COBLL1: variants seen among roughly 807,000 people sequenced by gnomAD.
COBLL1 encodes cordon-bleu protein-like 1.
In COBLL1, 50 loss-of-function variants were observed where a neutral mutation model predicts 94.8. That is an observed-to-expected ratio of 0.53 (90% confidence interval 0.42 to 0.67). COBLL1 has a LOEUF of 0.67. Among genes scored for constraint, COBLL1 ranks in the 30% least tolerant of loss-of-function variants. The pLI is 0.00. For missense variants in COBLL1, 1,362 were observed against 1,348.7 expected (o/e 1.01, Z -0.15); for synonymous variants, 448 against 473.8 (o/e 0.95, Z 0.71).
At chr2:164,727,176 T>C (rs779472891) in intron 5 of COBLL1, 16 of 1,303,908 alleles carry the variant, frequency 1.2e-5, no homozygotes, top group East Asian at 2.6e-5. Context: ...AGAGGGTAAA[T>C]TGACTGTGAA....
intron 13 of COBLL1, among the ~76,000 whole-genome samples, chr2:164,689,133 T>A (rs571421859): frequency 5.9e-5 from 9 of 152,176 alleles, no homozygotes; most frequent in African/African-American, 1.7e-4. Context: ...TGAGTAGGGG[T>A]AAGGTATGCA....
intron 4 of COBLL1, among the ~76,000 whole-genome samples, chr2:164,728,650 T>C (rs1685835494): frequency 6.6e-6 from 1 of 152,090 alleles, no homozygotes; most frequent in Non-Finnish European, 1.5e-5. Flanking sequence ...AATTTTTGTT[T>C]CTATTTGAAA....
At chr2:164,811,419 T>G (rs1428410400) in intron 2 of COBLL1, among the ~76,000 whole-genome samples, 4 of 151,928 alleles carry the variant, frequency 2.6e-5, no homozygotes, top group African/African-American at 9.7e-5. Context: ...CTGTATCAGT[T>G]TAACTGGCCG....
intron 5 of COBLL1, chr2:164,725,134 A>ATATATAT (rs1558956185): frequency 1.6e-3 from 86 of 55,216 alleles, no homozygotes; most frequent in African/African-American, 2.3e-3. Flanking sequence ...ATATATATAT[A>ATATATAT]AAATGAAAGC....
At chr2:164,774,264 C>A (rs759621245) in intron 2 of COBLL1, among the ~76,000 whole-genome samples, 67 of 152,046 alleles carry the variant, frequency 4.4e-4, no homozygotes, top group Non-Finnish European at 5.7e-4. Flanking sequence ...CTGGCAGATG[C>A]CCTAAATTGT....
intron 2 of COBLL1, among the ~76,000 whole-genome samples, chr2:164,658,542 G>T (rs1458093083): frequency 6.6e-6 from 1 of 152,184 alleles, no homozygotes; most frequent in African/African-American, 2.4e-5. Context: ...TATAGGGATT[G>T]AAATGTATGG....
intron 1 of COBLL1, among the ~76,000 whole-genome samples, chr2:164,666,918 C>G (rs1490912485): frequency 2.6e-5 from 4 of 152,128 alleles, no homozygotes; most frequent in Non-Finnish European, 5.9e-5. Flanking sequence ...TTCTTCCAAA[C>G]TCTTTTTAAT....
At chr2:164,770,973 T>A (rs1688174249) in intron 2 of COBLL1, among the ~76,000 whole-genome samples, 1 of 152,080 alleles carries the variant, frequency 6.6e-6, no homozygotes, top group Admixed American at 6.6e-5. Context: ...AAATAAGATA[T>A]TTTTATTGTA....
At chr2:164,790,423 A>G (rs1683130263) in intron 2 of COBLL1, among the ~76,000 whole-genome samples, 1 of 152,212 alleles carries the variant, frequency 6.6e-6, no homozygotes, top group Non-Finnish European at 1.5e-5. Flanking sequence ...AAATGTATGT[A>G]TAGCTCACAT....
At chr2:164,802,476 G>C (rs986716341) in intron 2 of COBLL1, among the ~76,000 whole-genome samples, 1 of 152,126 alleles carries the variant, frequency 6.6e-6, no homozygotes, top group Non-Finnish European at 1.5e-5. Flanking sequence ...GAGTTTACTT[G>C]GCCCAATACA....
chr2:164,662,871 G>A (rs915711516), intron 2 of COBLL1, among the ~76,000 whole-genome samples: 2 of 152,128 alleles, frequency 1.3e-5, no homozygotes, highest in Non-Finnish European at 2.9e-5. Context: ...CAGAAGTTAA[G>A]CAGATGCTGG....
intron 3 of COBLL1, among the ~76,000 whole-genome samples, chr2:164,742,377 T>TA (rs969346525): frequency 2.0e-4 from 30 of 149,512 alleles, no homozygotes; most frequent in South Asian, 1.7e-3. Context: ...CAGGAAAAAT[T>TA]AAAAAAAAAT....
chr2:164,783,804 A>G (rs924584344), intron 2 of COBLL1, among the ~76,000 whole-genome samples: 1 of 151,922 alleles, frequency 6.6e-6, no homozygotes, highest in Non-Finnish European at 1.5e-5. Context: ...CAATCACGAC[A>G]AAATATAAAA....
intron 2 of COBLL1, among the ~76,000 whole-genome samples, chr2:164,756,847 T>A (rs1228427699): frequency 2.0e-5 from 3 of 152,094 alleles, no homozygotes. Flanking sequence ...GAGTCAGAGA[T>A]CGTGGTTTGT....
intron 2 of COBLL1, among the ~76,000 whole-genome samples, chr2:164,756,082 G>A (rs1028350065): frequency 1.5e-5 from 2 of 137,802 alleles, no homozygotes; most frequent in African/African-American, 5.6e-5. Context: ...AATGAGGGAG[G>A]GAGGGAGGGA....
In COBLL1 at chr2:164,799,019, C is replaced by CAAA. The variant is rs555113117; in HGVS notation, c.41+42134_41+42136dup. On this transcript the variant is annotated intron_variant, in intron 2 of 13. Coordinates refer to ENST00000652658, the MANE Select transcript of COBLL1 (RefSeq NM_001365672.2). ...TGGGTGACAGAGCAAGACTCCGTCT[C>CAAA]AAAAAAAAAAAAAAAAAAAGAGGGG... 3.9e-3 allele frequency among the ~76,000 whole-genome samples: 269 copies of CAAA among 69,824 alleles called. 17 individuals are homozygous for CAAA. Among genetic ancestry groups the CAAA allele is most frequent in the African/African-American group, 0.015 (222 of 14,736 alleles). The allele number at this position is 69,824 out of a possible 152,430, so 45.8% of individuals were successfully genotyped here. A position where few individuals can be genotyped will look rare whatever the true frequency, so the allele number is the denominator to read the frequency against.
At chr2:164,839,357 C>G (rs1574683109) in intron 2 of COBLL1, among the ~76,000 whole-genome samples, 1 of 151,046 alleles carries the variant, frequency 6.6e-6, no homozygotes, top group African/African-American at 2.5e-5. Context: ...CTTTGGGAAG[C>G]CAAGGTGAGA....
chr2:164,700,737 A>G lies in COBLL1; in HGVS notation c.1245T>C (p.Tyr415=), dbSNP rs372452793. 16 of 1,605,194 alleles carry G rather than the reference A, an allele frequency of 1.0e-5. No homozygotes were observed. In the African/African-American group the frequency reaches 2.0e-4, roughly 20 times the overall value. Residue 415 remains tyrosine, a synonymous_variant, in exon 10 of 14, where the codon TAT becomes TAC. Coordinates refer to ENST00000652658, the MANE Select transcript of COBLL1 (RefSeq NM_001365672.2). Reference sequence around the variant, plus strand: ...CCTTTTCATCTATCTCTTCAAGGCTATAATCAGAGCTTATTCCAGCTACAA... The same window carrying G: ...CCTTTTCATCTATCTCTTCAAGGCTGTAATCAGAGCTTATTCCAGCTACAA... The part of the protein sequence containing the change: ...LSSPAGISSD[Y]SLEEIDEKEE...
intron 2 of COBLL1, among the ~76,000 whole-genome samples, chr2:164,817,755 GAAGGGAAGCCACCTGGTGGCTTCC>G (rs1413875473): frequency 6.6e-6 from 1 of 152,026 alleles, no homozygotes; most frequent in African/African-American, 2.4e-5. Context: ...CCTCTTCTAG[GAAGGGAAGCCACCTGGTGGCTTCC>G]ACAGCCATGC....
Sources: allele counts gnomAD v4.1 joint callset (sites outside exome capture counted in the v4.1 genomes callset), GRCh38; gene constraint gnomAD v4.1.1; transcripts MANE v1.5; gene names NCBI Gene and HGNC (gene_info 2026-07-23, HGNC 2026-07-21).